Variants in SULF2 observed in about 807,000 individuals in gnomAD.
SULF2 encodes sulfatase 2.
A neutral mutation model predicts 107.7 loss-of-function variants in SULF2; 52 were observed. That is an observed-to-expected ratio of 0.48 (90% CI 0.39 to 0.61). The LOEUF (loss-of-function observed/expected upper bound fraction) is 0.61. Among genes scored for constraint, SULF2 ranks in the 20% least tolerant of loss-of-function variants. SULF2 has a pLI of 0.00. For missense variants in SULF2, 993 were observed against 1,177.3 expected (o/e 0.84, Z 2.29); for synonymous variants, 460 against 464.3 (o/e 0.99, Z 0.12).
intron 4 of SULF2, among the ~76,000 whole-genome samples, chr20:47,693,591 C>A (rs141775787): frequency 1.3e-5 from 2 of 152,182 alleles, no homozygotes; most frequent in African/African-American, 4.8e-5. Context: ...AATGTTATAT[C>A]GGGTGAGAAA....
chr20:47,737,060 G>C, intron 2 of SULF2, 118 bp from the exon 3 acceptor site: 1 of 1,414,524 alleles, frequency 7.1e-7, no homozygotes, highest in African/African-American at 1.4e-5. Context: ...GCAGACCTAC[G>C]GGGCAGACGG....
chr20:47,672,330 G>T lies in SULF2; in HGVS notation c.1444C>A (p.Arg482=). The T allele has an allele frequency of 6.2e-7, 1 of 1,613,116 alleles. No homozygotes were observed. The highest frequency in any genetic ancestry group is 8.5e-7 in the Non-Finnish European group (1 of 1,179,976). Residue 482 remains arginine, a synonymous_variant, in exon 11 of 21, where the codon CGG becomes AGG. Transcript: ENST00000688720. ...LKLHKCKGPM[R]LGGSRALSNL... ...GAGAGGGCTCTGCTGCCGCCCAGCC[G>T]CATGGGGCCCTTGCACTTATGCAGC...
rs754190205 is a variant in SULF2 at position 47,658,202 on chromosome 20, T to A, written c.*160A>T. 3.5e-4 allele frequency: 257 copies of A among 727,190 alleles called. No individual in the cohort carries two copies. Among genetic ancestry groups the A allele is most frequent in the Admixed American group, 4.0e-4 (18 of 44,578 alleles). The allele number at this position is 727,190 out of a possible 1,614,324, so 45.0% of individuals were successfully genotyped here. A position where few individuals can be genotyped will look rare whatever the true frequency, so the allele number is the denominator to read the frequency against. On this transcript the variant is annotated 3_prime_UTR_variant, in exon 21 of 21. Transcript: ENST00000688720. ...TGAAGTTATCTCTGCTCCTGCTGGT[T>A]ATCCTCCAGAATCTGTCATGTTGAC... is the stretch of plus-strand genomic sequence containing the variant.
intron 2 of SULF2, 74 bp from the exon 3 acceptor site, chr20:47,737,016 C>T (rs1358531811): frequency 4.8e-5 from 76 of 1,595,384 alleles, no homozygotes; most frequent in East Asian, 2.5e-4. Flanking sequence ...GCTCTCAGCA[C>T]GTGGCATCCC....
chr20:47,744,658 C>T (rs1266820362), intron 2 of SULF2, among the ~76,000 whole-genome samples: 1 of 152,132 alleles, frequency 6.6e-6, no homozygotes, highest in Non-Finnish European at 1.5e-5. Flanking sequence ...CCTGCCTTGG[C>T]CTCCCAGTGT....
chr20:47,679,341 C>A (rs559689935), intron 7 of SULF2, among the ~76,000 whole-genome samples: 2 of 152,140 alleles, frequency 1.3e-5, no homozygotes, highest in African/African-American at 4.8e-5. Flanking sequence ...CCTCAGTGGT[C>A]CCCAGAATCC....
At chr20:47,715,160 G>C (rs991283814) in intron 3 of SULF2, among the ~76,000 whole-genome samples, 1 of 150,706 alleles carries the variant, frequency 6.6e-6, no homozygotes. Flanking sequence ...TCAATGCCTG[G>C]GCTCAAGCGA....
chr20:47,745,460 C>T (rs11697490), intron 2 of SULF2, among the ~76,000 whole-genome samples: 1,959 of 14,834 alleles, frequency 0.13, 189 homozygotes, highest in East Asian at 0.38. Flanking sequence ...TATATATACA[C>T]ATACACACAC....
At position 47,678,689 on chromosome 20, in the gene SULF2, G is replaced by A. The variant is rs1188237198; in HGVS notation, c.1180C>T (p.Arg394Trp). ...KSILKLLDTERPVNRFHLKKK... is the reference protein window; with the variant it reads ...KSILKLLDTEWPVNRFHLKKK... ...CTCCGTCCTCACCGATTCACCGGCCGCTCCGTGTCCAGCAGCTTGAGGATG... is the reference window on the plus strand; with the variant it reads ...CTCCGTCCTCACCGATTCACCGGCCACTCCGTGTCCAGCAGCTTGAGGATG... The change falls in exon 8 of 21, where the codon CGG becomes TGG. Residue 394 changes from arginine to tryptophan, a missense_variant. Transcript: ENST00000688720. The surrounding 1 kb of genome is among the most constrained non-coding windows in gnomAD (Gnocchi z 4.5). The A allele has an allele frequency of 3.7e-6, 6 of 1,613,720 alleles. No individual in the cohort carries two copies. The South Asian group carries it at 4.4e-5, about 12-fold the overall frequency.
intron 5 of SULF2, among the ~76,000 whole-genome samples, chr20:47,686,482 G>T (rs1293263634): frequency 5.3e-5 from 8 of 152,230 alleles, no homozygotes; most frequent in Non-Finnish European, 1.2e-4. Flanking sequence ...GGTTCTTGAA[G>T]GCCAGGTTCC....
In SULF2 at chr20:47,745,432, TATATATATATATATATATATATATACAC is replaced by T. The variant is rs1254489435; in HGVS notation, c.176-8518_176-8491del. Among the ~76,000 whole-genome samples the T allele has an allele frequency of 2.8e-3, 19 of 6,886 alleles. 3 individuals are homozygous for T. The highest frequency in any genetic ancestry group is 6.4e-3 in the Admixed American group (3 of 466). 4.5% of individuals were successfully genotyped at this position (6,886 alleles called of 152,430 possible). A position where few individuals can be genotyped will look rare whatever the true frequency, so the allele number is the denominator to read the frequency against. On this transcript the variant is annotated intron_variant, in intron 2 of 20. Coordinates refer to ENST00000688720, the MANE Select transcript of SULF2 (RefSeq NM_001387048.1). ...AAAAATATATATATATATATATATA[TATATATATATATATATATATATATACAC>T]ATACACACACACTTTTTTAGTTCAA...
chr20:47,757,325 T>A lies in SULF2; in HGVS notation c.39A>T (p.Ala13=), dbSNP rs200408084. The A allele has an allele frequency of 1.9e-4, 311 of 1,603,292 alleles. No individual in the cohort carries two copies. The East Asian group carries it at 6.4e-3, about 33-fold the overall frequency. Reference sequence around the variant, plus strand: ...TTCCACCCAGCAGGGAGAACACAGTTGCGGACAGCAAGCACAGCACGAGGC... The same window carrying A: ...TTCCACCCAGCAGGGAGAACACAGTAGCGGACAGCAAGCACAGCACGAGGC... ...PPSLVLCLLS[A]TVFSLLGGSS... Residue 13 remains alanine (A), a synonymous_variant, in exon 2 of 21, where the codon GCA becomes GCT. Coordinates refer to ENST00000688720, the MANE Select transcript of SULF2 (RefSeq NM_001387048.1).
intron 1 of SULF2, among the ~76,000 whole-genome samples, chr20:47,762,608 C>A (rs2090440332): frequency 6.6e-6 from 1 of 152,224 alleles, no homozygotes; most frequent in South Asian, 2.1e-4. Context: ...TGAACAAGTT[C>A]CTAAGAGTCT....
intron 1 of SULF2, among the ~76,000 whole-genome samples, chr20:47,784,431 G>A (rs910289494): frequency 1.3e-5 from 2 of 152,090 alleles, no homozygotes; most frequent in African/African-American, 4.8e-5. Context: ...TCACAGGCAG[G>A]TCTGGCTTGC....
At position 47,678,554 on chromosome 20, in the gene SULF2, GA is replaced by G. The variant is rs2087723799; in HGVS notation, c.1193+121del. Reference sequence around the variant, plus strand: ...AGCAGGTAAGTGGTTGGCATGGCGGGACCTGAGAACCCCAGCTCCCGACCCT... The same window carrying G: ...AGCAGGTAAGTGGTTGGCATGGCGGGCCTGAGAACCCCAGCTCCCGACCCT... On this transcript the variant is annotated intron_variant, in intron 8 of 20. Coordinates refer to ENST00000688720, the MANE Select transcript of SULF2 (RefSeq NM_001387048.1). The surrounding 1 kb of genome is among the most constrained non-coding windows in gnomAD (Gnocchi z 4.5). The G allele has an allele frequency of 8.9e-7, 1 of 1,118,576 alleles. No homozygotes were observed. The highest frequency in any genetic ancestry group is 1.3e-6 in the Non-Finnish European group (1 of 795,790). The allele number at this position is 1,118,576 out of a possible 1,614,324, so 69.3% of individuals were successfully genotyped here.
chr20:47,784,132 CCT>C (rs2122766653), intron 1 of SULF2, among the ~76,000 whole-genome samples: 1 of 152,252 alleles, frequency 6.6e-6, no homozygotes, highest in South Asian at 2.1e-4. Flanking sequence ...CCTGTCTCCC[CCT>C]GAGAACCTGC....
intron 10 of SULF2, among the ~76,000 whole-genome samples, chr20:47,672,754 A>G (rs1163727177): frequency 6.6e-6 from 1 of 152,172 alleles, no homozygotes; most frequent in African/African-American, 2.4e-5. Flanking sequence ...TCTTTAAGAC[A>G]AGACCCAAGC....
chr20:47,666,423 C>T lies in SULF2; in HGVS notation c.1642G>A (p.Val548Met), dbSNP rs1211593232. The T allele has an allele frequency of 1.9e-6, 3 of 1,613,906 alleles. No homozygotes were observed. The South Asian group carries it at 3.3e-5, about 18-fold the overall frequency. Reference protein sequence around the residue: ...RSVAIEVDGRVYHVGLGDAAQ... With the variant: ...RSVAIEVDGRMYHVGLGDAAQ... ...GCATCACCCAGGCCTACGTGGTACA[C>T]CCTGCCGTCCACCTCGATGGCCACT... Residue 548 changes from valine to methionine, a missense_variant, in exon 12 of 21, where the codon GTG becomes ATG. Coordinates refer to ENST00000688720, the MANE Select transcript of SULF2 (RefSeq NM_001387048.1). This position sits in a 1 kb window ranked among gnomAD's most constrained non-coding sequence, Gnocchi z 5.4.
intron 1 of SULF2, among the ~76,000 whole-genome samples, chr20:47,768,285 C>CAGCCTGAA (rs2090562961): frequency 1.3e-5 from 2 of 152,238 alleles, no homozygotes; most frequent in Non-Finnish European, 2.9e-5. Flanking sequence ...GGATCCAGCC[C>CAGCCTGAA]AGCCTGAAAG....
Sources: allele counts gnomAD v4.1 joint callset (sites outside exome capture counted in the v4.1 genomes callset), GRCh38; gene constraint gnomAD v4.1.1; non-coding constraint Gnocchi (gnomAD v3.1); transcripts MANE v1.5; gene names NCBI Gene and HGNC (gene_info 2026-07-23, HGNC 2026-07-21).